Variants in FEZ2 observed in about 807,000 individuals in gnomAD.
The protein encoded by FEZ2 is fasciculation and elongation protein zeta-2.
A neutral mutation model predicts 40.4 loss-of-function variants in FEZ2; 51 were observed. The ratio of observed to expected loss-of-function variants is 1.26; its 90% CI spans 1.01 to 1.59. The LOEUF (loss-of-function observed/expected upper bound fraction) is 1.59. Ranked by LOEUF, FEZ2 falls within the 40% of genes most tolerant of loss-of-function variation. FEZ2 has a pLI of 0.00. For missense variants in FEZ2, 640 were observed against 438.3 expected (o/e 1.46, Z -4.11); for synonymous variants, 242 against 172.0 (o/e 1.41, Z -3.18).
In FEZ2 at chr2:36,591,070, C is replaced by T. The variant is rs1042500962; in HGVS notation, c.267-59G>A. 4.9e-6 allele frequency: 5 copies of T among 1,027,712 alleles called. No homozygotes were observed. The African/African-American group carries it at 7.9e-5, about 16-fold the overall frequency. 63.7% of individuals were successfully genotyped at this position (1,027,712 alleles called of 1,614,324 possible). ...TAACATTCTGTATGTCTTTCTTAAACAAATATTCAGTGAAAGATGAACAGC... is the reference window on the plus strand; with the variant it reads ...TAACATTCTGTATGTCTTTCTTAAATAAATATTCAGTGAAAGATGAACAGC... On this transcript the variant is annotated intron_variant, in intron 1 of 7. Coordinates refer to ENST00000405912, the MANE Select transcript of FEZ2 (RefSeq NM_005102.3).
In FEZ2 at chr2:36,590,936, CAAG is replaced by C. The variant is rs774389534; in HGVS notation, c.339_341del (p.Leu114del). 1 of 1,612,012 alleles carries C rather than the reference CAAG, an allele frequency of 6.2e-7. No homozygotes were observed. Among genetic ancestry groups the C allele is most frequent in the Admixed American group, 1.7e-5 (1 of 60,022 alleles). On this transcript the variant is annotated inframe_deletion, in exon 2 of 8. Coordinates refer to ENST00000405912, the MANE Select transcript of FEZ2 (RefSeq NM_005102.3). ...CTGAGAGGTTCAGAGTAAGCAAGTG[CAAG>C]GTCCTAGTATGCGATGACTTCCAGT...
At chr2:36,576,174 T>A (rs568035045) in intron 5 of FEZ2, among the ~76,000 whole-genome samples, 21 of 152,354 alleles carry the variant, frequency 1.4e-4, no homozygotes, top group Non-Finnish European at 2.5e-4. Context: ...CTATTTCACT[T>A]TGGGTTTCTT....
chr2:36,581,607 G>T, intron 3 of FEZ2, 176 bp from the exon 4 acceptor site: 1 of 572,536 alleles, frequency 1.7e-6, no homozygotes, highest in Non-Finnish European at 3.2e-6. Context: ...GAGTGAACAT[G>T]GTTTATCAAG....
intron 5 of FEZ2, among the ~76,000 whole-genome samples, chr2:36,577,968 A>G (rs1024464727): frequency 6.6e-6 from 1 of 152,256 alleles, no homozygotes; most frequent in African/African-American, 2.4e-5. Flanking sequence ...AGGTGGGAAT[A>G]CACAAGACTT....
chr2:36,583,268 C>G, intron 3 of FEZ2, 85 bp downstream of exon 3: 1 of 726,266 alleles, frequency 1.4e-6, no homozygotes, highest in Admixed American at 2.1e-5. Context: ...AGTAAACCAA[C>G]AGCCATCATT....
intron 5 of FEZ2, among the ~76,000 whole-genome samples, chr2:36,571,602 C>T (rs937832695): frequency 2.6e-5 from 4 of 151,866 alleles, no homozygotes; most frequent in African/African-American, 9.7e-5. Flanking sequence ...CTGCAGTGGG[C>T]CCAGATGGCA....
intron 6 of FEZ2, chr2:36,556,258 A>G (rs1667958934): frequency 4.7e-6 from 1 of 214,988 alleles, no homozygotes; most frequent in Admixed American, 5.8e-5. Context: ...ACAGACTTCC[A>G]TGAAGCAGCA....
At chr2:36,555,423 T>C (rs1347883515) in intron 7 of FEZ2, 4 of 280,196 alleles carry the variant, frequency 1.4e-5, no homozygotes, top group Non-Finnish European at 2.6e-5. Flanking sequence ...ACTAATTTTC[T>C]TCTACTACCT....
At chr2:36,596,645 T>A (rs534519330) in intron 1 of FEZ2, among the ~76,000 whole-genome samples, 27 of 152,254 alleles carry the variant, frequency 1.8e-4, no homozygotes, top group African/African-American at 6.3e-4. Flanking sequence ...TTTTTAATTT[T>A]TTTGTAAAGA....
At chr2:36,554,403 G>C in intron 7 of FEZ2, 1 of 431,022 alleles carries the variant, frequency 2.3e-6, no homozygotes, top group South Asian at 1.7e-5. Flanking sequence ...GGCCCTCATA[G>C]AGGCCTAGGA....
intron 2 of FEZ2, among the ~76,000 whole-genome samples, chr2:36,589,123 T>C (rs1372704715): frequency 6.6e-6 from 1 of 152,236 alleles, no homozygotes; most frequent in Non-Finnish European, 1.5e-5. Context: ...TCAAACTTAC[T>C]ATGTGCCAGG....
intron 5 of FEZ2, among the ~76,000 whole-genome samples, chr2:36,567,478 C>T (rs1385772328): frequency 6.6e-6 from 1 of 151,998 alleles, no homozygotes; most frequent in Admixed American, 6.6e-5. Flanking sequence ...ATCTCAAACC[C>T]CGGCCAGGCA....
intron 2 of FEZ2, among the ~76,000 whole-genome samples, chr2:36,589,033 A>T: frequency 6.6e-6 from 1 of 152,350 alleles, no homozygotes; most frequent in South Asian, 2.1e-4. Context: ...ATATTTTTTT[A>T]AAACCTTTCT....
At chr2:36,595,073 C>T (rs1448003145) in intron 1 of FEZ2, among the ~76,000 whole-genome samples, 1 of 152,112 alleles carries the variant, frequency 6.6e-6, no homozygotes, top group Non-Finnish European at 1.5e-5. Context: ...CAAAGTCCTG[C>T]CAACATCGAA....
intron 5 of FEZ2, among the ~76,000 whole-genome samples, chr2:36,566,477 C>A (rs1022775443): frequency 2.6e-5 from 4 of 151,988 alleles, no homozygotes; most frequent in Non-Finnish European, 5.9e-5. Context: ...TTCTCAAAAT[C>A]CTTAAGGACA....
rs565341725 is a variant in FEZ2, at chr2:36,561,864, A to C, written c.904-3351T>G. The stretch of plus-strand genomic sequence containing the variant: ...CAGGCCCCAAGGGGCAGAAGAAAGG[A>C]AACCAAGGGAATGGTCATCAAGAAA... On this transcript the variant is annotated intron_variant, in intron 5 of 7. Transcript: ENST00000405912. Among the ~76,000 whole-genome samples, 4 of 152,380 alleles carry C rather than the reference A, an allele frequency of 2.6e-5. No homozygotes were observed. In the East Asian group the frequency reaches 7.7e-4, roughly 29 times the overall value.
intron 5 of FEZ2, among the ~76,000 whole-genome samples, chr2:36,576,394 C>T (rs554488867): frequency 7.2e-4 from 110 of 152,166 alleles, no homozygotes; most frequent in African/African-American, 2.4e-3. Context: ...CTCAGCCTCC[C>T]GAGTAGCTGG....
chr2:36,594,858 G>C (rs1485244534), intron 1 of FEZ2, among the ~76,000 whole-genome samples: 4 of 152,226 alleles, frequency 2.6e-5, no homozygotes, highest in African/African-American at 9.6e-5. Context: ...GTGCCTGTCA[G>C]TGAGTTTGAT....
chr2:36,597,929 G>C lies in FEZ2; in HGVS notation c.214C>G (p.Pro72Ala). 1.4e-6 allele frequency: 2 copies of C among 1,436,946 alleles called. No individual in the cohort carries two copies. The highest frequency in any genetic ancestry group is 1.4e-5 in the South Asian group (1 of 71,024). 89.0% of individuals were successfully genotyped at this position (1,436,946 alleles called of 1,614,324 possible). A position where few individuals can be genotyped will look rare whatever the true frequency, so the allele number is the denominator to read the frequency against. The change falls in exon 1 of 8, where the codon CCG (proline) becomes GCG (alanine). Residue 72 changes from proline (P) to alanine (A), a missense_variant. Physicochemically the swap from Pro to Ala is conservative, Grantham distance 27. Coordinates refer to ENST00000405912, the MANE Select transcript of FEZ2 (RefSeq NM_005102.3). ...GTGATGGGCCGCACGGCCGTCCTCG[G>C]GGGCTCGGCGCCCGGATCCGAGGGG... ...FRPSDPGAEP[P>A]RTAVRPITER...
Sources: allele counts gnomAD v4.1 joint callset (sites outside exome capture counted in the v4.1 genomes callset), GRCh38; gene constraint gnomAD v4.1.1; transcripts MANE v1.5; gene names NCBI Gene and HGNC (gene_info 2026-07-23, HGNC 2026-07-21).